KIF11: variants seen among roughly 807,000 people sequenced by gnomAD.
KIF11 encodes kinesin family member 11.
KIF11 carries 9 observed loss-of-function variants against 121.0 expected under a neutral mutation model. The ratio of observed to expected loss-of-function variants is 0.07; its 90% CI spans 0.04 to 0.13. The LOEUF (loss-of-function observed/expected upper bound fraction) is 0.13, where lower values mean the gene tolerates loss of function less well. Ranked by LOEUF, KIF11 falls within the 10% of genes least tolerant of loss-of-function variation. The probability of loss-of-function intolerance (pLI) is 1.00; values close to 1 mark genes in which losing one functional copy is unlikely to be tolerated. For missense variants in KIF11, 846 were observed against 1,217.5 expected (o/e 0.69, Z 4.54); for synonymous variants, 408 against 421.0 (o/e 0.97, Z 0.38).
At chr10:92,605,971 C>A (rs548563252) in intron 1 of KIF11, among the ~76,000 whole-genome samples, 1 of 152,288 alleles carries the variant, frequency 6.6e-6, no homozygotes, top group African/African-American at 2.4e-5. Flanking sequence ...CACAGCAAGA[C>A]CCCATCTCTA....
chr10:92,629,928 G>A (rs1844718098), intron 11 of KIF11, among the ~76,000 whole-genome samples: 1 of 152,090 alleles, frequency 6.6e-6, no homozygotes, highest in South Asian at 2.1e-4. Flanking sequence ...CATTAACACT[G>A]TTATATTCAA....
At chr10:92,607,459 T>C (rs1429942523) in intron 4 of KIF11, among the ~76,000 whole-genome samples, 1 of 152,170 alleles carries the variant, frequency 6.6e-6, no homozygotes, top group Non-Finnish European at 1.5e-5. Flanking sequence ...GGCACAGTTA[T>C]ATGATAAAAG....
At chr10:92,606,115 T>C in intron 1 of KIF11, 150 bp from the exon 2 acceptor site, 1 of 552,426 alleles carries the variant, frequency 1.8e-6, no homozygotes, top group Non-Finnish European at 3.0e-6. Context: ...CTGTCTGCTT[T>C]AGCAATATCA....
intron 5 of KIF11, 27 bp from the exon 6 acceptor site, chr10:92,609,358 T>C (rs373190547): frequency 6.4e-5 from 102 of 1,595,130 alleles, no homozygotes; most frequent in Non-Finnish European, 8.6e-5. Flanking sequence ...ACCAATCTAA[T>C]GGATGTTCTT....
intron 10 of KIF11, among the ~76,000 whole-genome samples, chr10:92,626,026 C>T (rs1373125354): frequency 1.3e-5 from 2 of 152,194 alleles, no homozygotes; most frequent in East Asian, 1.9e-4. Flanking sequence ...AGATTAAATG[C>T]TGTTCCTCTC....
chr10:92,645,796 C>T (rs549689915), intron 18 of KIF11, among the ~76,000 whole-genome samples, 154 bp downstream of exon 18: 1 of 152,008 alleles, frequency 6.6e-6, no homozygotes, highest in Non-Finnish European at 1.5e-5. Flanking sequence ...CAGATGATCT[C>T]GTTTTGTGCT....
intron 12 of KIF11, among the ~76,000 whole-genome samples, chr10:92,632,193 T>C (rs533429415): frequency 6.6e-6 from 1 of 151,144 alleles, no homozygotes; most frequent in South Asian, 2.1e-4. Flanking sequence ...TGAGACAGAG[T>C]CTCTCTCTGT....
In KIF11 at chr10:92,621,486, C is replaced by T. The variant is rs868055062; in HGVS notation, c.1217+13C>T. 1.3e-6 allele frequency: 2 copies of T among 1,501,874 alleles called. No homozygotes were observed. Among genetic ancestry groups the T allele is most frequent in the Non-Finnish European group, 1.8e-6 (2 of 1,082,612 alleles). 93.0% of individuals were successfully genotyped at this position (1,501,874 alleles called of 1,614,324 possible). On this transcript the variant is annotated intron_variant, in intron 10 of 21. Transcript: ENST00000260731. ...AAGAAAATTTTAGGTAAGCCCTTGG[C>T]TATGGAGTTAATTTCCAAGAATAAG...
intron 1 of KIF11, among the ~76,000 whole-genome samples, chr10:92,605,760 A>G (rs919048640): frequency 2.0e-5 from 3 of 152,200 alleles, no homozygotes; most frequent in African/African-American, 4.8e-5. Flanking sequence ...TGCTGGGATT[A>G]CAGGCGTGAG....
intron 4 of KIF11, 92 bp from the exon 5 acceptor site, chr10:92,608,926 TTA>T: frequency 4.6e-6 from 3 of 657,952 alleles, no homozygotes; most frequent in Non-Finnish European, 7.3e-6. Flanking sequence ...TTTGCCATAC[TTA>T]TGTTTAAATA....
chr10:92,602,797 T>G (rs1844385139), intron 1 of KIF11, among the ~76,000 whole-genome samples: 1 of 146,944 alleles, frequency 6.8e-6, no homozygotes, highest in Non-Finnish European at 1.5e-5. Context: ...CTTTGAACCC[T>G]GGTTACTTAA....
intron 11 of KIF11, 91 bp downstream of exon 11, chr10:92,628,986 GA>G (rs1397628643): frequency 1.7e-5 from 13 of 747,486 alleles, no homozygotes; most frequent in Non-Finnish European, 2.6e-5. Context: ...TTTCCTTCAA[GA>G]TTTTTTTTTT....
At position 92,613,151 on chromosome 10, in the gene KIF11, T is replaced by C. The variant is rs774613041; in HGVS notation, c.789+21T>C. On this transcript the variant is annotated intron_variant, in intron 7 of 21. Transcript: ENST00000260731. This position sits in a 1 kb window ranked among gnomAD's most constrained non-coding sequence, Gnocchi z 4.2. ...ACTTGGTAAGCATCCACCTTAATAC[T>C]ACTGTTTCACTCTTAAACACCTTAT... 1 of 1,553,930 alleles carries C rather than the reference T, an allele frequency of 6.4e-7. No individual in the cohort carries two copies. The highest frequency in any genetic ancestry group is 8.9e-7 in the Non-Finnish European group (1 of 1,129,008).
At chr10:92,594,338 G>T (rs981037052) in intron 1 of KIF11, among the ~76,000 whole-genome samples, 1 of 152,202 alleles carries the variant, frequency 6.6e-6, no homozygotes, top group Non-Finnish European at 1.5e-5. Context: ...AACTTGAATT[G>T]TGGATATCGA....
chr10:92,654,763 A>T lies in KIF11; in HGVS notation c.*967A>T, dbSNP rs1845027154. The T allele has an allele frequency of 6.6e-6, 1 of 152,216 alleles. No homozygotes were observed. The highest frequency in any genetic ancestry group is 1.5e-5 in the Non-Finnish European group (1 of 68,016). The allele number at this position is 152,216 out of a possible 1,614,324, so 9.4% of individuals were successfully genotyped here. A position where few individuals can be genotyped will look rare whatever the true frequency, so the allele number is the denominator to read the frequency against. ...AATGTGAAAGCATTTCATTCCTTTA[A>T]GAGGCCTAACTCATTCACCCTGACA... On this transcript the variant is annotated 3_prime_UTR_variant, in exon 22 of 22. Transcript: ENST00000260731.
At chr10:92,604,592 C>T (rs1844409374) in intron 1 of KIF11, among the ~76,000 whole-genome samples, 1 of 152,150 alleles carries the variant, frequency 6.6e-6, no homozygotes, top group Non-Finnish European at 1.5e-5. Flanking sequence ...CCTAGGATCA[C>T]AGATTTGGTC....
chr10:92,616,944 CT>C (rs1434846303), intron 9 of KIF11, 112 bp downstream of exon 9: 13 of 587,866 alleles, frequency 2.2e-5, no homozygotes, highest in Non-Finnish European at 3.9e-5. Flanking sequence ...CCATGGAAGG[CT>C]TTTTATATAG....
intron 13 of KIF11, 144 bp downstream of exon 13, chr10:92,632,837 C>A: frequency 2.2e-6 from 1 of 459,194 alleles, no homozygotes; most frequent in Non-Finnish European, 3.8e-6. Flanking sequence ...AAGATTAATG[C>A]TTTTATTGTC....
intron 1 of KIF11, among the ~76,000 whole-genome samples, chr10:92,603,816 C>G (rs1469103479): frequency 6.6e-6 from 1 of 152,162 alleles, no homozygotes; most frequent in Admixed American, 6.6e-5. Flanking sequence ...AATTTATCAG[C>G]ATCTAATATA....
Sources: gnomAD v4.1 joint callset for allele counts (sites outside exome capture counted in the v4.1 genomes callset) on GRCh38, gnomAD v4.1.1 for gene constraint, Gnocchi (gnomAD v3.1) non-coding constraint, MANE v1.5 for transcripts, NCBI Gene and HGNC (gene_info 2026-07-23, HGNC 2026-07-21) for gene names.